Variants in SYNDIG1 observed in about 807,000 individuals in gnomAD.
The protein encoded by SYNDIG1 is synapse differentiation inducing 1, also known as synapse differentiation-inducing gene protein 1.
A neutral mutation model predicts 19.4 loss-of-function variants in SYNDIG1; 9 were observed. The observed-to-expected ratio is 0.46, with a 90% CI of 0.28 to 0.81. The LOEUF (loss-of-function observed/expected upper bound fraction) is 0.81, where lower values mean the gene tolerates loss of function less well. SYNDIG1 is among the 30% of genes least tolerant of loss of function. The probability of loss-of-function intolerance (pLI) is 0.12; values close to 1 mark genes in which losing one functional copy is unlikely to be tolerated. For synonymous variants in SYNDIG1, 141 were observed against 145.9 expected (o/e 0.97, Z 0.24); for missense variants, 311 against 343.3 (o/e 0.91, Z 0.74).
intron 2 of SYNDIG1, among the ~76,000 whole-genome samples, chr20:24,549,712 C>A (rs2057666923): frequency 1.3e-5 from 2 of 152,214 alleles, no homozygotes; most frequent in Admixed American, 6.5e-5. Flanking sequence ...GGGCTGGATC[C>A]AGAGCTGTTG....
At chr20:24,576,112 A>G (rs1210017477) in intron 2 of SYNDIG1, among the ~76,000 whole-genome samples, 2 of 152,208 alleles carry the variant, frequency 1.3e-5, no homozygotes, top group Non-Finnish European at 2.9e-5. Context: ...ATGGAGACCA[A>G]ATGGTTAGAC....
At chr20:24,504,072 G>T (rs1241158317) in intron 1 of SYNDIG1, among the ~76,000 whole-genome samples, 1 of 148,268 alleles carries the variant, frequency 6.7e-6, no homozygotes, top group African/African-American at 2.5e-5. Context: ...CCATTCTCCT[G>T]TCTCAGCCTC....
intron 3 of SYNDIG1, among the ~76,000 whole-genome samples, chr20:24,661,895 G>C: frequency 6.6e-6 from 1 of 152,140 alleles, no homozygotes. Flanking sequence ...CAATGGGCAG[G>C]GTGGGGGGTT....
chr20:24,582,069 T>G (rs1288443111), intron 2 of SYNDIG1, among the ~76,000 whole-genome samples: 3 of 99,814 alleles, frequency 3.0e-5, no homozygotes, highest in East Asian at 3.6e-4. Flanking sequence ...CTCCTTCATG[T>G]CCTCCCCCCT....
chr20:24,491,355 G>C (rs8121807), intron 1 of SYNDIG1: 49,638 of 152,244 alleles, frequency 0.33, 8,602 homozygotes, highest in Middle Eastern at 0.48. Flanking sequence ...TCTTTTTGCA[G>C]GGCCAGTCAT....
At chr20:24,559,765 GT>G (rs1271111314) in intron 2 of SYNDIG1, among the ~76,000 whole-genome samples, 1 of 152,068 alleles carries the variant, frequency 6.6e-6, no homozygotes, top group Non-Finnish European at 1.5e-5. Flanking sequence ...TCGTTTGGAA[GT>G]TTTTTTCACT....
Position 24,585,068 on chromosome 20 carries a change from G to A in SYNDIG1, c.618+75G>A, listed in dbSNP as rs538160802. On this transcript the variant is annotated intron_variant, in intron 3 of 3. Transcript: ENST00000376862. The stretch of plus-strand genomic sequence containing the variant: ...GGGGGTGGGGGCGGCAATCCCAGCC[G>A]AGGAGGAGAAGCAAGGAAGCCCAAA... The A allele has an allele frequency of 1.6e-5, 24 of 1,534,574 alleles. No individual in the cohort carries two copies. In the Admixed American group the frequency reaches 2.7e-4, roughly 17 times the overall value.
chr20:24,488,825 T>C (rs2056045732), intron 1 of SYNDIG1, among the ~76,000 whole-genome samples: 1 of 152,222 alleles, frequency 6.6e-6, no homozygotes, highest in Non-Finnish European at 1.5e-5. Context: ...CAGTATCTGC[T>C]GATGTCTTTA....
intron 3 of SYNDIG1, among the ~76,000 whole-genome samples, chr20:24,619,473 C>A (rs1238607060): frequency 1.3e-5 from 2 of 152,204 alleles, no homozygotes; most frequent in Non-Finnish European, 2.9e-5. Flanking sequence ...TGTTTCACTT[C>A]TCAATATTTG....
chr20:24,505,886 T>A (rs1287263666), intron 1 of SYNDIG1, among the ~76,000 whole-genome samples: 1 of 152,246 alleles, frequency 6.6e-6, no homozygotes, highest in African/African-American at 2.4e-5. Flanking sequence ...TGTCTCATTC[T>A]CCCTATTCTG....
intron 1 of SYNDIG1, among the ~76,000 whole-genome samples, chr20:24,477,919 C>T (rs1450548301): frequency 2.6e-5 from 4 of 152,244 alleles, no homozygotes; most frequent in Admixed American, 2.6e-4. Flanking sequence ...TGTTTCTGTG[C>T]TGTCTGGACC....
intron 2 of SYNDIG1, among the ~76,000 whole-genome samples, chr20:24,576,801 CA>C (rs1442846248): frequency 2.0e-5 from 3 of 152,122 alleles, no homozygotes; most frequent in Admixed American, 6.5e-5. Flanking sequence ...CATCTCTCAG[CA>C]ATCCAGCATG....
At chr20:24,639,377 A>G (rs1376934578) in intron 3 of SYNDIG1, among the ~76,000 whole-genome samples, 1 of 152,196 alleles carries the variant, frequency 6.6e-6, no homozygotes, top group South Asian at 2.1e-4. Flanking sequence ...CTGCCACTGC[A>G]TATCAGAGCC....
chr20:24,543,588 G>A lies in SYNDIG1; in HGVS notation c.480+11G>A, dbSNP rs546701987. The A allele has an allele frequency of 1.8e-5, 28 of 1,595,138 alleles. No homozygotes were observed. The African/African-American group carries it at 2.0e-4, about 11-fold the overall frequency. On this transcript the variant is annotated intron_variant, in intron 2 of 3. Transcript: ENST00000376862. Reference sequence around the variant, plus strand: ...TTCCAGGAGCTGGAGGTCACAGGATGTGTTTGTCAGAGGCCCTCTAAGAAT... The same window carrying A: ...TTCCAGGAGCTGGAGGTCACAGGATATGTTTGTCAGAGGCCCTCTAAGAAT...
chr20:24,505,118 G>A (rs2056555605), intron 1 of SYNDIG1, among the ~76,000 whole-genome samples: 1 of 152,308 alleles, frequency 6.6e-6, no homozygotes, highest in East Asian at 1.9e-4. Flanking sequence ...GAGGGTCTGT[G>A]CGTGTCCAGC....
At position 24,631,649 on chromosome 20, in the gene SYNDIG1, A is replaced by G. The variant is rs77960967; in HGVS notation, c.619-33697A>G. On this transcript the variant is annotated intron_variant, in intron 3 of 3. Coordinates refer to ENST00000376862, the MANE Select transcript of SYNDIG1 (RefSeq NM_024893.3). ...TTTATCACGTAAAATCTGCTGAGGC[A>G]TCTGAGCATTGAGGAATCTCTCCTG... 4.3e-4 allele frequency among the ~76,000 whole-genome samples: 66 copies of G among 152,334 alleles called. No homozygotes were observed. The East Asian group carries it at 0.013, about 29-fold the overall frequency.
intron 2 of SYNDIG1, among the ~76,000 whole-genome samples, chr20:24,553,298 G>A (rs1026648434): frequency 1.3e-5 from 2 of 152,150 alleles, no homozygotes; most frequent in African/African-American, 4.8e-5. Flanking sequence ...TTGCTGTGCA[G>A]AAGCTCTTTA....
chr20:24,545,735 A>T (rs1391014420), intron 2 of SYNDIG1, among the ~76,000 whole-genome samples: 1 of 152,124 alleles, frequency 6.6e-6, no homozygotes. Context: ...TGGGGAGGTA[A>T]CCTTTCCCAC....
chr20:24,481,921 A>C (rs1421647020), intron 1 of SYNDIG1, among the ~76,000 whole-genome samples: 1 of 152,250 alleles, frequency 6.6e-6, no homozygotes, highest in Non-Finnish European at 1.5e-5. Context: ...CGTAATCCCA[A>C]GTGAAAAAAA....
Sources: allele counts gnomAD v4.1 joint callset (sites outside exome capture counted in the v4.1 genomes callset), GRCh38; gene constraint gnomAD v4.1.1; transcripts MANE v1.5; gene names NCBI Gene and HGNC (gene_info 2026-07-23, HGNC 2026-07-21).